Variants in GTF2A1 observed in about 807,000 individuals in gnomAD.
GTF2A1 encodes the protein transcription initiation factor IIA subunit 1.
Under a neutral mutation model 54.1 loss-of-function variants are expected in GTF2A1, and 12 were observed. The ratio of observed to expected loss-of-function variants is 0.22; its 90% CI spans 0.14 to 0.36. GTF2A1 has a LOEUF of 0.36. GTF2A1 is among the 10% of genes least tolerant of loss of function. The pLI, the probability that GTF2A1 is intolerant of heterozygous loss-of-function variation, is 1.00. For synonymous variants in GTF2A1, 145 were observed against 152.0 expected (o/e 0.95, Z 0.34); for missense variants, 335 against 442.2 (o/e 0.76, Z 2.17).
At chr14:81,194,229 C>G (rs555187415) in intron 6 of GTF2A1, among the ~76,000 whole-genome samples, 1 of 152,208 alleles carries the variant, frequency 6.6e-6, no homozygotes, top group African/African-American at 2.4e-5. Context: ...ACTGCACATG[C>G]AAGGATGGAG....
At chr14:81,197,572 T>C (rs1235527883) in intron 4 of GTF2A1, 88 bp from the exon 5 acceptor site, 2 of 725,820 alleles carry the variant, frequency 2.8e-6, no homozygotes. Context: ...ATGAAACTTT[T>C]TGTTTAGAAT....
intron 2 of GTF2A1, among the ~76,000 whole-genome samples, chr14:81,206,294 G>C (rs1189357034): frequency 1.3e-5 from 2 of 152,138 alleles, no homozygotes; most frequent in African/African-American, 4.8e-5. Flanking sequence ...TGTCTATTCT[G>C]ATTCAGTGTT....
rs1184555079 is a variant in GTF2A1, at chr14:81,220,777, G to T, written c.-259C>A. On this transcript the variant is annotated 5_prime_UTR_variant, in exon 1 of 9. Coordinates refer to ENST00000553612, the MANE Select transcript of GTF2A1 (RefSeq NM_015859.4). Reference sequence around the variant, plus strand: ...AGCCACGACCCTTCAGGGGTCCGGGGGGCGTTGCCCGCTCCCCACCCCGCG... The same window carrying T: ...AGCCACGACCCTTCAGGGGTCCGGGTGGCGTTGCCCGCTCCCCACCCCGCG... 1 of 365,900 alleles carries T rather than the reference G, an allele frequency of 2.7e-6. No individual in the cohort carries two copies. Among genetic ancestry groups the T allele is most frequent in the South Asian group, 8.0e-5 (1 of 12,550 alleles). 22.7% of individuals were successfully genotyped at this position (365,900 alleles called of 1,614,324 possible).
At chr14:81,187,081 G>A (rs561517466) in intron 7 of GTF2A1, among the ~76,000 whole-genome samples, 20 of 152,182 alleles carry the variant, frequency 1.3e-4, no homozygotes, top group African/African-American at 4.6e-4. Flanking sequence ...TACACCAGGC[G>A]TGGTGGCTCA....
intron 2 of GTF2A1, chr14:81,209,875 A>T (rs1425816777): frequency 8.0e-7 from 1 of 1,251,208 alleles, no homozygotes; most frequent in African/African-American, 1.5e-5. Context: ...CTTACCACAC[A>T]AAGTCTACCA....
rs1313208461 is a variant in GTF2A1 at position 81,176,479 on chromosome 14, A to T, written c.*3744T>A. 5.3e-5 allele frequency: 8 copies of T among 152,258 alleles called. No homozygotes were observed. The highest frequency in any genetic ancestry group is 1.5e-5 in the Non-Finnish European group (1 of 67,968). 9.4% of individuals were successfully genotyped at this position (152,258 alleles called of 1,614,324 possible). On this transcript the variant is annotated 3_prime_UTR_variant, in exon 9 of 9. Transcript: ENST00000553612. ...TGACTGAAAGAGTAGTTACTAACTC[A>T]ATGTGTAGTAACTTCCCTTAAAAGA...
chr14:81,220,577 C>G lies in GTF2A1; in HGVS notation c.-59G>C. ...CCAAGAAAACAAGATAAAAACAAAA[C>G]CAAAAAAAAAAAAACTATAACACCC... On this transcript the variant is annotated 5_prime_UTR_variant, in exon 1 of 9. Transcript: ENST00000553612. 1 of 1,350,074 alleles carries G rather than the reference C, an allele frequency of 7.4e-7. No homozygotes were observed. The allele number at this position is 1,350,074 out of a possible 1,614,324, so 83.6% of individuals were successfully genotyped here.
intron 6 of GTF2A1, among the ~76,000 whole-genome samples, chr14:81,195,699 T>C (rs930573861): frequency 2.0e-5 from 3 of 151,282 alleles, no homozygotes; most frequent in African/African-American, 7.3e-5. Flanking sequence ...CCTTGGGTAT[T>C]AGAGGTAAGG....
At chr14:81,212,153 G>A (rs1290958308) in intron 2 of GTF2A1, among the ~76,000 whole-genome samples, 6 of 151,956 alleles carry the variant, frequency 3.9e-5, no homozygotes, top group Non-Finnish European at 8.8e-5. Context: ...CAGATAAACT[G>A]AATTTCAGAT....
At position 81,204,043 on chromosome 14, in the gene GTF2A1, T is replaced by G; in HGVS notation, c.194A>C (p.Gln65Pro). 6 of 1,613,904 alleles carry G rather than the reference T, an allele frequency of 3.7e-6. No homozygotes were observed. The highest frequency in any genetic ancestry group is 5.1e-6 in the Non-Finnish European group (6 of 1,179,810). Residue 65 changes from glutamine (Q) to proline (P), a missense_variant, in exon 3 of 9, where the codon CAG (glutamine) becomes CCG (proline). Transcript: ENST00000553612. ...CTGCTGTTGAACTTGCAGTAGAAGC[T>G]GCTGCTCTTCTGAATGAAATCCATC... ...AVDGFHSEEQ[Q>P]LLLQVQQQHQ... is the part of the protein sequence containing the mutation.
At position 81,177,962 on chromosome 14, in the gene GTF2A1, A is replaced by G. The variant is rs1411032019; in HGVS notation, c.*2261T>C. 1.3e-5 allele frequency: 2 copies of G among 152,192 alleles called. No homozygotes were observed. Among genetic ancestry groups the G allele is most frequent in the Non-Finnish European group, 2.9e-5 (2 of 67,990 alleles). The allele number at this position is 152,192 out of a possible 1,614,324, so 9.4% of individuals were successfully genotyped here. A position where few individuals can be genotyped will look rare whatever the true frequency, so the allele number is the denominator to read the frequency against. The stretch of plus-strand genomic sequence containing the variant: ...CACAGGTAAAAGAAAAGCATTTGCC[A>G]AGTATACCATAATTCATATGCAATA... On this transcript the variant is annotated 3_prime_UTR_variant, in exon 9 of 9. Transcript: ENST00000553612.
chr14:81,209,390 T>A (rs1422207417), intron 2 of GTF2A1, among the ~76,000 whole-genome samples: 3 of 152,214 alleles, frequency 2.0e-5, no homozygotes, highest in Non-Finnish European at 4.4e-5. Flanking sequence ...GAACTGTAAG[T>A]CCAATTAAAC....
chr14:81,176,290 C>T lies in GTF2A1; in HGVS notation c.*3933G>A, dbSNP rs1306326992. 6.6e-6 allele frequency: 1 copy of T among 152,030 alleles called. No homozygotes were observed. Among genetic ancestry groups the T allele is most frequent in the Admixed American group, 6.6e-5 (1 of 15,264 alleles). 9.4% of individuals were successfully genotyped at this position (152,030 alleles called of 1,614,324 possible). A position where few individuals can be genotyped will look rare whatever the true frequency, so the allele number is the denominator to read the frequency against. Reference sequence around the variant, plus strand: ...TATCCCATATATCACAGAAGAGCAACCTTGATCTGCAATGAATTTTACAAA... The same window carrying T: ...TATCCCATATATCACAGAAGAGCAATCTTGATCTGCAATGAATTTTACAAA... On this transcript the variant is annotated 3_prime_UTR_variant, in exon 9 of 9. Transcript: ENST00000553612.
In GTF2A1 at chr14:81,175,882, G is replaced by A. The variant is rs528557754; in HGVS notation, c.*4341C>T. On this transcript the variant is annotated 3_prime_UTR_variant, in exon 9 of 9. Coordinates refer to ENST00000553612, the MANE Select transcript of GTF2A1 (RefSeq NM_015859.4). ...ACCAATTTTTAGTTATAATTTGTTA[G>A]TGTGAATTCGCCCAACCTAAATTCC... 2.6e-5 allele frequency: 4 copies of A among 152,230 alleles called. No individual in the cohort carries two copies. The highest frequency in any genetic ancestry group is 9.6e-5 in the African/African-American group (4 of 41,550). 9.4% of individuals were successfully genotyped at this position (152,230 alleles called of 1,614,324 possible). A position where few individuals can be genotyped will look rare whatever the true frequency, so the allele number is the denominator to read the frequency against.
rs565312092 is a variant in GTF2A1, at chr14:81,215,678, A to C, written c.132+735T>G. Among the ~76,000 whole-genome samples, 11 of 152,352 alleles carry C rather than the reference A, an allele frequency of 7.2e-5. No individual in the cohort carries two copies. In the South Asian group the frequency reaches 2.3e-3, roughly 32 times the overall value. ...TCAAGAACCTAAAATTCTTTTATCA[A>C]GCACTTAATCCCTACAACTTAAAAC... On this transcript the variant is annotated intron_variant, in intron 2 of 8. Coordinates refer to ENST00000553612, the MANE Select transcript of GTF2A1 (RefSeq NM_015859.4).
chr14:81,191,937 T>C (rs1016787304), intron 7 of GTF2A1, among the ~76,000 whole-genome samples: 1 of 152,184 alleles, frequency 6.6e-6, no homozygotes, highest in African/African-American at 2.4e-5. Flanking sequence ...GTGAAAATTG[T>C]GGTGGGACAA....
In GTF2A1 at chr14:81,192,765, T is replaced by A; in HGVS notation, c.687A>T (p.Thr229=). The change falls in exon 7 of 9, where the codon ACA becomes ACT. Residue 229 remains threonine, a synonymous_variant. Coordinates refer to ENST00000553612, the MANE Select transcript of GTF2A1 (RefSeq NM_015859.4). ...TAGGTATAACTTGAGTCTTATTTCC[T>A]GTAAATAAGATTTGCTGAGGCTGGA... ...VIIQPQQILF[T]GNKTQVIPTT... is the part of the protein sequence containing the mutation. 1.9e-6 allele frequency: 3 copies of A among 1,611,590 alleles called. No individual in the cohort carries two copies. The highest frequency in any genetic ancestry group is 2.5e-6 in the Non-Finnish European group (3 of 1,177,592).
At chr14:81,199,776 T>TA (rs1893064698) in intron 4 of GTF2A1, among the ~76,000 whole-genome samples, 1 of 152,218 alleles carries the variant, frequency 6.6e-6, no homozygotes, top group Non-Finnish European at 1.5e-5. Flanking sequence ...CACTAATTTT[T>TA]ATCCCAGAAA....
At chr14:81,213,374 A>G (rs2140040910) in intron 2 of GTF2A1, among the ~76,000 whole-genome samples, 1 of 152,302 alleles carries the variant, frequency 6.6e-6, no homozygotes, top group Admixed American at 6.5e-5. Flanking sequence ...TGATTCTACT[A>G]TTAACGATAG....
Sources: allele counts gnomAD v4.1 joint callset (sites outside exome capture counted in the v4.1 genomes callset), GRCh38; gene constraint gnomAD v4.1.1; transcripts MANE v1.5; gene names NCBI Gene and HGNC (gene_info 2026-07-23, HGNC 2026-07-21).